ANK2: variants seen among roughly 807,000 people sequenced by gnomAD.
ANK2 encodes the protein ankyrin-2.
ANK2 carries 83 observed loss-of-function variants against 360.5 expected under a neutral mutation model. That is an observed-to-expected ratio of 0.23 (90% CI 0.19 to 0.28). The LOEUF (loss-of-function observed/expected upper bound fraction) is 0.28. ANK2 is among the 10% of genes least tolerant of loss of function. ANK2 has a pLI of 1.00. For synonymous variants in ANK2, 1,740 were observed against 1,759.5 expected (o/e 0.99, Z 0.28); for missense variants, 4,201 against 4,795.7 (o/e 0.88, Z 3.66).
intron 2 of ANK2, among the ~76,000 whole-genome samples, chr4:113,021,520 A>ACACACACC (rs1250828468): frequency 1.1e-5 from 1 of 88,162 alleles, no homozygotes; most frequent in South Asian, 3.6e-4. Flanking sequence ...GTATATATAC[A>ACACACACC]CACACACACC....
intron 1 of ANK2, among the ~76,000 whole-genome samples, chr4:112,851,635 T>C (rs960360799): frequency 6.6e-6 from 1 of 152,066 alleles, no homozygotes; most frequent in African/African-American, 2.4e-5. Context: ...TTTTCTTTTT[T>C]TTTTTTGAGA....
the ANK2 span, among the ~76,000 whole-genome samples, chr4:112,711,446 CG>C: frequency 2.0e-5 from 3 of 151,984 alleles, no homozygotes; most frequent in Non-Finnish European, 4.4e-5. Context: ...TTGCTTGAGC[CG>C]GGGAGTTCAA....
At chr4:113,140,280 C>T (rs1383197195) in intron 1 of ANK2, among the ~76,000 whole-genome samples, 8 of 150,002 alleles carry the variant, frequency 5.3e-5, no homozygotes, top group Middle Eastern at 6.8e-3. Flanking sequence ...ATAGGGATAA[C>T]CAAAGATTAA....
intron 2 of ANK2, among the ~76,000 whole-genome samples, chr4:112,985,338 A>G (rs561366533): frequency 1.3e-5 from 2 of 152,286 alleles, no homozygotes; most frequent in Admixed American, 1.3e-4. Context: ...CTACACCAAC[A>G]CATTACAAAT....
chr4:112,792,191 G>A, the ANK2 span, among the ~76,000 whole-genome samples: 454 of 151,860 alleles, frequency 3.0e-3, 8 homozygotes, highest in Non-Finnish European at 4.0e-4. Context: ...ACAGGCATGC[G>A]CCACCACACC....
chr4:113,263,223 C>CATCTATTTAGAGACAGGTTTTAAATGATA (rs1361981267), intron 13 of ANK2, among the ~76,000 whole-genome samples: 3 of 149,380 alleles, frequency 2.0e-5, no homozygotes, highest in Non-Finnish European at 4.4e-5. Flanking sequence ...ATCTTAGCCT[C>CATCTATTTAGAGACAGGTTTTAAATGATA]ATCTATTTAG....
intron 1 of ANK2, among the ~76,000 whole-genome samples, chr4:113,125,636 CCTGT>C (rs2095621181): frequency 6.6e-6 from 1 of 152,166 alleles, no homozygotes; most frequent in Non-Finnish European, 1.5e-5. Flanking sequence ...TAGAATTCTT[CCTGT>C]CTTTATGCTT....
At chr4:113,148,878 C>T (rs1411329914) in intron 1 of ANK2, among the ~76,000 whole-genome samples, 1 of 152,194 alleles carries the variant, frequency 6.6e-6, no homozygotes, top group Non-Finnish European at 1.5e-5. Flanking sequence ...GAGAAGCAAG[C>T]ATGGGCCTAC....
At chr4:112,718,137 A>T in the ANK2 span, among the ~76,000 whole-genome samples, 1 of 152,350 alleles carries the variant, frequency 6.6e-6, no homozygotes, top group East Asian at 1.9e-4. Flanking sequence ...TGCCTATTCT[A>T]GGACTTTCCT....
intron 1 of ANK2, among the ~76,000 whole-genome samples, chr4:113,131,880 C>T (rs1001978547): frequency 1.3e-5 from 2 of 152,168 alleles, no homozygotes; most frequent in African/African-American, 2.4e-5. Context: ...GGGATAAAAA[C>T]ACATCCGGGC....
At chr4:113,337,762 C>T (rs2153967099) in intron 31 of ANK2, among the ~76,000 whole-genome samples, 1 of 152,242 alleles carries the variant, frequency 6.6e-6, no homozygotes, top group African/African-American at 2.4e-5. Flanking sequence ...TCATATGCTT[C>T]ACTTATGATC....
intron 1 of ANK2, among the ~76,000 whole-genome samples, chr4:112,837,445 C>T (rs2061234623): frequency 1.3e-5 from 2 of 152,242 alleles, no homozygotes; most frequent in African/African-American, 4.8e-5. Flanking sequence ...TTGGAGACCT[C>T]ACACACAGTC....
chr4:112,745,070 T>C, the ANK2 span, among the ~76,000 whole-genome samples: 1 of 152,240 alleles, frequency 6.6e-6, no homozygotes, highest in African/African-American at 2.4e-5. Flanking sequence ...TCCTTTGAAT[T>C]CATTTATCAT....
intron 22 of ANK2, among the ~76,000 whole-genome samples, chr4:113,301,874 C>A (rs1056677064): frequency 1.3e-5 from 2 of 152,156 alleles, no homozygotes; most frequent in Non-Finnish European, 2.9e-5. Flanking sequence ...AGGCTCTTCA[C>A]TTTTAAGATG....
At chr4:113,178,847 G>A (rs2098316925) in intron 2 of ANK2, among the ~76,000 whole-genome samples, 1 of 152,094 alleles carries the variant, frequency 6.6e-6, no homozygotes, top group African/African-American at 2.4e-5. Flanking sequence ...CATTCCCAGG[G>A]CCACATGGAT....
At chr4:112,844,156 T>A (rs1449743191) in intron 1 of ANK2, among the ~76,000 whole-genome samples, 2 of 152,250 alleles carry the variant, frequency 1.3e-5, no homozygotes, top group East Asian at 3.9e-4. Context: ...ATTTCCCTAT[T>A]TTGAGAAGGT....
intron 1 of ANK2, among the ~76,000 whole-genome samples, chr4:113,064,341 T>C (rs1162629401): frequency 6.6e-6 from 1 of 152,184 alleles, no homozygotes; most frequent in Non-Finnish European, 1.5e-5. Context: ...TGACTTACCG[T>C]GATGACAGGT....
chr4:112,744,074 G>A, the ANK2 span, among the ~76,000 whole-genome samples: 4 of 151,796 alleles, frequency 2.6e-5, no homozygotes, highest in South Asian at 4.2e-4. Context: ...TGCCCACCTC[G>A]GCCTCCCAAA....
chr4:113,279,422 A>G (rs2061424666), intron 17 of ANK2, among the ~76,000 whole-genome samples: 1 of 152,040 alleles, frequency 6.6e-6, no homozygotes, highest in African/African-American at 2.4e-5. Context: ...GCAGATGAGA[A>G]GGTGAGATTT....
Sources: gnomAD v4.1 joint callset for allele counts (sites outside exome capture counted in the v4.1 genomes callset) on GRCh38, gnomAD v4.1.1 for gene constraint, MANE v1.5 for transcripts, NCBI Gene and HGNC (gene_info 2026-07-23, HGNC 2026-07-21) for gene names.